Variants in KCNN2 observed in about 807,000 individuals in gnomAD.
The protein encoded by KCNN2 is small conductance calcium-activated potassium channel protein 2.
A neutral mutation model predicts 55.5 loss-of-function variants in KCNN2; 24 were observed. The observed-to-expected ratio is 0.43, with a 90% CI of 0.31 to 0.61. The LOEUF (loss-of-function observed/expected upper bound fraction) is 0.61, where lower values mean the gene tolerates loss of function less well. KCNN2 is among the 20% of genes least tolerant of loss of function. The pLI is 0.08. For synonymous variants in KCNN2, 431 were observed against 336.1 expected (o/e 1.28, Z -3.09); for missense variants, 754 against 853.6 (o/e 0.88, Z 1.45).
At chr5:114,060,549 A>T (rs1178935874) in intron 1 of KCNN2, among the ~76,000 whole-genome samples, 1 of 152,214 alleles carries the variant, frequency 6.6e-6, no homozygotes, top group East Asian at 1.9e-4. Context: ...CTCACTAATG[A>T]TAAAGTCACA....
At chr5:114,194,769 T>C (rs1364814551) in intron 1 of KCNN2, among the ~76,000 whole-genome samples, 1 of 152,098 alleles carries the variant, frequency 6.6e-6, no homozygotes, top group Non-Finnish European at 1.5e-5. Context: ...AACAACTGTA[T>C]TGTAGATTTA....
intron 3 of KCNN2, among the ~76,000 whole-genome samples, chr5:114,435,848 A>G (rs1223893708): frequency 6.6e-6 from 1 of 152,212 alleles, no homozygotes; most frequent in African/African-American, 2.4e-5. Context: ...AAGTGAAACT[A>G]TATTTTGGGT....
intron 2 of KCNN2, among the ~76,000 whole-genome samples, chr5:114,289,129 G>A (rs980469234): frequency 5.9e-5 from 9 of 151,950 alleles, no homozygotes; most frequent in Non-Finnish European, 1.0e-4. Context: ...TGGTCTTAGC[G>A]CCCTTGTTGA....
intron 2 of KCNN2, among the ~76,000 whole-genome samples, chr5:114,380,557 A>G (rs1561597155): frequency 6.6e-6 from 1 of 152,214 alleles, no homozygotes; most frequent in African/African-American, 2.4e-5. Context: ...AAATGGGGTA[A>G]TAAGGCCCAT....
At chr5:114,098,899 G>C (rs1007487049) in intron 1 of KCNN2, among the ~76,000 whole-genome samples, 1 of 152,006 alleles carries the variant, frequency 6.6e-6, no homozygotes, top group Non-Finnish European at 1.5e-5. Flanking sequence ...TCTAGAATCT[G>C]ACATTATACT....
chr5:114,494,102 A>T (rs1747991933), intron 7 of KCNN2, among the ~76,000 whole-genome samples: 2 of 152,034 alleles, frequency 1.3e-5, no homozygotes, highest in Admixed American at 1.3e-4. Flanking sequence ...TCCCCACATA[A>T]AACCCATTCT....
At chr5:114,247,599 A>G (rs931676569) in intron 2 of KCNN2, among the ~76,000 whole-genome samples, 5 of 152,240 alleles carry the variant, frequency 3.3e-5, no homozygotes, top group Non-Finnish European at 5.9e-5. Flanking sequence ...TAGATCAACT[A>G]TAAAGAATAG....
chr5:114,056,533 G>A (rs1750212498), intron 1 of KCNN2: 1 of 397,662 alleles, frequency 2.5e-6, no homozygotes, highest in African/African-American at 2.1e-5. Context: ...ATTGACTAGG[G>A]CCACAGATTT....
intron 1 of KCNN2, among the ~76,000 whole-genome samples, chr5:114,094,502 A>G (rs1751216748): frequency 2.0e-5 from 3 of 152,246 alleles, no homozygotes; most frequent in Non-Finnish European, 4.4e-5. Flanking sequence ...GTGTCCTGCC[A>G]TTCTGGAAGA....
intron 3 of KCNN2, among the ~76,000 whole-genome samples, chr5:114,414,909 A>G (rs868860037): frequency 6.6e-6 from 1 of 152,150 alleles, no homozygotes; most frequent in South Asian, 2.1e-4. Flanking sequence ...CATCACTACA[A>G]TCCAGTTTTA....
intron 1 of KCNN2, among the ~76,000 whole-genome samples, chr5:114,152,824 T>C (rs4076577): frequency 0.42 from 64,344 of 151,770 alleles, 14,738 homozygotes; most frequent in Middle Eastern, 0.55. Flanking sequence ...AAAAGGCATA[T>C]GGTGGGCGGG....
At chr5:114,056,323 C>A (rs1026722296) in exon 1 of KCNN2, 18 of 398,612 alleles carry the variant, frequency 4.5e-5, no homozygotes, top group Non-Finnish European at 7.5e-5. Context: ...GCAGATGGTC[C>A]TGGCTAGGAC....
Position 114,079,253 on chromosome 5 carries a change from T to G in KCNN2, c.-271+22753T>G, listed in dbSNP as rs192813100. Reference sequence around the variant, plus strand: ...TTGCAATTCAGACAATCTAGCAGAATTTTGAATGTATTCTAATAAAAACTT... The same window carrying G: ...TTGCAATTCAGACAATCTAGCAGAAGTTTGAATGTATTCTAATAAAAACTT... On this transcript the variant is annotated intron_variant, in intron 1 of 10. Coordinates refer to the KCNN2 transcript ENST00000512097. Among the ~76,000 whole-genome samples, 522 of 152,318 alleles carry G rather than the reference T, an allele frequency of 3.4e-3. 4 individuals carry two copies. Among genetic ancestry groups the G allele is most frequent in the Middle Eastern group, 6.8e-3 (2 of 294 alleles).
At chr5:114,159,328 C>T (rs1752712903) in intron 1 of KCNN2, among the ~76,000 whole-genome samples, 1 of 152,162 alleles carries the variant, frequency 6.6e-6, no homozygotes, top group South Asian at 2.1e-4. Context: ...TATATTGAAC[C>T]AGCCTTGCAT....
chr5:114,091,452 G>A (rs1457416153), intron 1 of KCNN2, among the ~76,000 whole-genome samples: 1 of 152,128 alleles, frequency 6.6e-6, no homozygotes, highest in Non-Finnish European at 1.5e-5. Context: ...CAGATGAAAT[G>A]AAGAGATAAA....
rs188076743 is a variant in KCNN2 at position 114,460,522 on chromosome 5, G to A, written c.1638-2527G>A. 1.5e-3 allele frequency among the ~76,000 whole-genome samples: 227 copies of A among 152,190 alleles called. 1 individual carries two copies. The highest frequency in any genetic ancestry group is 5.2e-3 in the African/African-American group (216 of 41,520). On this transcript the variant is annotated intron_variant, in intron 3 of 7. Coordinates refer to ENST00000673685, the MANE Select transcript of KCNN2 (RefSeq NM_021614.4). ...GTCTCCCAAAGTGGTAGGATTCCAG[G>A]TGTGAGCCACCACACCTGGCTGGCC...
intron 6 of KCNN2, among the ~76,000 whole-genome samples, chr5:114,489,695 T>G (rs1561417179): frequency 6.6e-6 from 1 of 152,144 alleles, no homozygotes; most frequent in African/African-American, 2.4e-5. Flanking sequence ...TCATGCATAC[T>G]TACCTTTCAT....
At chr5:114,494,676 G>C (rs1282545483) in intron 7 of KCNN2, among the ~76,000 whole-genome samples, 2 of 152,060 alleles carry the variant, frequency 1.3e-5, no homozygotes, top group Non-Finnish European at 2.9e-5. Flanking sequence ...TGTGAGGCAA[G>C]ATGCTGTTTC....
chr5:114,396,029 C>G (rs1758603024), intron 2 of KCNN2, among the ~76,000 whole-genome samples: 3 of 152,128 alleles, frequency 2.0e-5, no homozygotes, highest in Admixed American at 2.0e-4. Context: ...TGTAAATGGC[C>G]AAAATGAAAC....
Sources: gnomAD v4.1 joint callset for allele counts (sites outside exome capture counted in the v4.1 genomes callset) on GRCh38, gnomAD v4.1.1 for gene constraint, MANE v1.5 for transcripts, NCBI Gene and HGNC (gene_info 2026-07-23, HGNC 2026-07-21) for gene names.